Variants in SHISA9 observed in about 807,000 individuals in gnomAD.
SHISA9 encodes the protein shisa family member 9, also known as protein shisa-9.
SHISA9 carries 13 observed loss-of-function variants against 38.0 expected under a neutral mutation model. The observed-to-expected ratio is 0.34, with a 90% CI of 0.22 to 0.54. SHISA9 has a LOEUF of 0.54. Ranked by LOEUF, SHISA9 falls within the 20% of genes least tolerant of loss-of-function variation. The pLI, the probability that SHISA9 is intolerant of heterozygous loss-of-function variation, is 0.91. For missense variants in SHISA9, 538 were observed against 575.8 expected (o/e 0.93, Z 0.67); for synonymous variants, 275 against 242.0 (o/e 1.14, Z -1.27).
the SHISA9 span, among the ~76,000 whole-genome samples, chr16:13,472,346 C>T: frequency 6.9e-6 from 1 of 145,812 alleles, no homozygotes; most frequent in African/African-American, 2.5e-5. Flanking sequence ...GAATTCATCC[C>T]TTCATTTAGA....
chr16:13,143,142 G>A (rs1449184289), intron 2 of SHISA9, among the ~76,000 whole-genome samples: 1 of 151,914 alleles, frequency 6.6e-6, no homozygotes, highest in East Asian at 1.9e-4. Context: ...GAGTAGCTGG[G>A]ATACAGGCGT....
intron 2 of SHISA9, among the ~76,000 whole-genome samples, chr16:13,065,881 C>T (rs2073428888): frequency 6.6e-6 from 1 of 152,208 alleles, no homozygotes; most frequent in African/African-American, 2.4e-5. Context: ...ATTTGCAAGT[C>T]TTAGTCTTGT....
the SHISA9 span, among the ~76,000 whole-genome samples, chr16:13,355,856 G>GC: frequency 3.7e-4 from 57 of 152,218 alleles, no homozygotes; most frequent in African/African-American, 1.4e-3. Context: ...AGAAGATCTG[G>GC]GAAGGAGTCA....
At chr16:13,545,652 C>T in the SHISA9 span, among the ~76,000 whole-genome samples, 42 of 152,142 alleles carry the variant, frequency 2.8e-4, no homozygotes, top group African/African-American at 9.2e-4. Context: ...CTGTTGCGTC[C>T]CCTGGCAGGA....
At chr16:13,020,772 A>T (rs577630049) in intron 2 of SHISA9, among the ~76,000 whole-genome samples, 17 of 152,162 alleles carry the variant, frequency 1.1e-4, no homozygotes, top group Admixed American at 9.2e-4. Flanking sequence ...ATGATACCAG[A>T]CCTCTGGTAT....
chr16:13,554,276 G>C, the SHISA9 span, among the ~76,000 whole-genome samples: 2 of 148,030 alleles, frequency 1.4e-5, no homozygotes, highest in Non-Finnish European at 3.0e-5. Flanking sequence ...CAATGAGAGA[G>C]GAGATCTAGT....
At chr16:13,310,053 A>G in the SHISA9 span, among the ~76,000 whole-genome samples, 1 of 151,978 alleles carries the variant, frequency 6.6e-6, no homozygotes, top group Non-Finnish European at 1.5e-5. Context: ...ATACCTGGCT[A>G]ATTTTTATAT....
chr16:13,390,381 C>T, the SHISA9 span, among the ~76,000 whole-genome samples: 3 of 152,270 alleles, frequency 2.0e-5, no homozygotes, highest in Non-Finnish European at 2.9e-5. Flanking sequence ...CTGTCTATCT[C>T]GGCTCAGTTG....
chr16:13,006,152 CAT>C (rs143904641), intron 2 of SHISA9, among the ~76,000 whole-genome samples: 2 of 152,300 alleles, frequency 1.3e-5, no homozygotes, highest in East Asian at 1.9e-4. Context: ...AAGAGACTCA[CAT>C]GTGAGCGTTT....
At chr16:13,009,024 G>C (rs1407945576) in intron 2 of SHISA9, among the ~76,000 whole-genome samples, 1 of 151,986 alleles carries the variant, frequency 6.6e-6, no homozygotes, top group Non-Finnish European at 1.5e-5. Context: ...AGGGGATGGA[G>C]AGTGACAAAA....
chr16:12,966,060 G>T (rs2071974023), intron 2 of SHISA9, among the ~76,000 whole-genome samples: 1 of 152,262 alleles, frequency 6.6e-6, no homozygotes, highest in East Asian at 1.9e-4. Flanking sequence ...ATGTTTACTG[G>T]CATCTCTGGG....
chr16:12,937,959 A>G (rs1322361551), intron 2 of SHISA9, among the ~76,000 whole-genome samples: 6 of 152,188 alleles, frequency 3.9e-5, no homozygotes, highest in Non-Finnish European at 2.9e-5. Flanking sequence ...TGATTTTATA[A>G]GGTGAGGCAG....
At chr16:13,349,862 A>G in the SHISA9 span, among the ~76,000 whole-genome samples, 4 of 152,214 alleles carry the variant, frequency 2.6e-5, no homozygotes, top group Non-Finnish European at 5.9e-5. Flanking sequence ...ACTAGGTTAA[A>G]TAAGCAAAAA....
At chr16:13,465,847 T>C in the SHISA9 span, among the ~76,000 whole-genome samples, 1 of 152,246 alleles carries the variant, frequency 6.6e-6, no homozygotes, top group South Asian at 2.1e-4. Context: ...CACTGCCTGT[T>C]TTGACAAGTA....
intron 3 of SHISA9, among the ~76,000 whole-genome samples, chr16:13,208,527 C>T (rs944661156): frequency 2.4e-4 from 37 of 151,066 alleles, no homozygotes; most frequent in African/African-American, 8.3e-4. Context: ...CCACAACCGC[C>T]GCCTCCTGGG....
the SHISA9 span, among the ~76,000 whole-genome samples, chr16:13,494,026 A>G: frequency 6.6e-6 from 1 of 152,184 alleles, no homozygotes; most frequent in Admixed American, 6.5e-5. Flanking sequence ...CAAAAAGAGT[A>G]AACAGTGGAT....
At chr16:12,940,419 C>T (rs1261900615) in intron 2 of SHISA9, among the ~76,000 whole-genome samples, 4 of 143,538 alleles carry the variant, frequency 2.8e-5, no homozygotes, top group Non-Finnish European at 6.1e-5. Context: ...CTTCCTAGTC[C>T]CCCCATAAAT....
At chr16:12,997,754 C>G (rs117020967) in intron 2 of SHISA9, among the ~76,000 whole-genome samples, 1 of 152,178 alleles carries the variant, frequency 6.6e-6, no homozygotes, top group East Asian at 1.9e-4. Context: ...GATTTCCCAT[C>G]TGGCCTCACC....
At chr16:13,395,429 G>T in the SHISA9 span, among the ~76,000 whole-genome samples, 3 of 152,194 alleles carry the variant, frequency 2.0e-5, no homozygotes, top group African/African-American at 7.2e-5. Context: ...TCTGCTCAAG[G>T]TCTCATATGG....
Sources: gnomAD v4.1 joint callset for allele counts (sites outside exome capture counted in the v4.1 genomes callset) on GRCh38, gnomAD v4.1.1 for gene constraint, MANE v1.5 for transcripts, NCBI Gene and HGNC (gene_info 2026-07-23, HGNC 2026-07-21) for gene names.